Variants in DOCK3 observed in about 807,000 individuals in gnomAD.
DOCK3 encodes dedicator of cytokinesis protein 3.
Under a neutral mutation model 265.6 loss-of-function variants are expected in DOCK3, and 60 were observed. The ratio of observed to expected loss-of-function variants is 0.23; its 90% CI spans 0.18 to 0.28. The LOEUF (loss-of-function observed/expected upper bound fraction) is 0.28. Ranked by LOEUF, DOCK3 falls within the 10% of genes least tolerant of loss-of-function variation. The pLI is 1.00. For missense variants in DOCK3, 1,981 were observed against 2,594.3 expected (o/e 0.76, Z 5.14); for synonymous variants, 881 against 938.0 (o/e 0.94, Z 1.11).
At chr3:51,213,769 C>G (rs763349581) in intron 13 of DOCK3, among the ~76,000 whole-genome samples, 2 of 152,116 alleles carry the variant, frequency 1.3e-5, no homozygotes, top group Non-Finnish European at 2.9e-5. Flanking sequence ...TTAGATTTCT[C>G]TAGGTTCCTA....
At chr3:50,711,164 G>A (rs943582316) in intron 1 of DOCK3, among the ~76,000 whole-genome samples, 1 of 151,430 alleles carries the variant, frequency 6.6e-6, no homozygotes, top group African/African-American at 2.4e-5. Context: ...TATGGTTTTT[G>A]TCCTTTATTA....
intron 5 of DOCK3, among the ~76,000 whole-genome samples, chr3:50,948,277 G>A (rs1262039045): frequency 2.7e-5 from 4 of 150,896 alleles, no homozygotes; most frequent in Non-Finnish European, 4.4e-5. Flanking sequence ...GGATGGTCTC[G>A]ATCTCCTGAC....
At chr3:50,951,303 T>C (rs1185543333) in intron 5 of DOCK3, among the ~76,000 whole-genome samples, 1 of 152,198 alleles carries the variant, frequency 6.6e-6, no homozygotes, top group Non-Finnish European at 1.5e-5. Flanking sequence ...TGTACAAATT[T>C]GGGTTATCCT....
rs942044761 is a variant in DOCK3 at position 50,832,399 on chromosome 3, A to G, written c.122-9276A>G. ...AACTAAAGAGCTTCTGTACAGCAAA[A>G]GAAACTATCATCAGAGTGAACAGGC... On this transcript the variant is annotated intron_variant, in intron 2 of 52. Coordinates refer to ENST00000266037, the MANE Select transcript of DOCK3 (RefSeq NM_004947.5). Among the ~76,000 whole-genome samples the G allele has an allele frequency of 3.3e-5, 5 of 152,256 alleles. No individual in the cohort carries two copies. In the East Asian group the frequency reaches 9.6e-4, roughly 29 times the overall value.
chr3:50,806,375 T>C (rs2043416005), intron 2 of DOCK3, among the ~76,000 whole-genome samples: 1 of 152,008 alleles, frequency 6.6e-6, no homozygotes, highest in African/African-American at 2.4e-5. Context: ...GTGGGACTTT[T>C]CTCAAGTCCT....
chr3:51,375,819 G>C lies in DOCK3; in HGVS notation c.5484G>C (p.Leu1828=), dbSNP rs1265806720. Residue 1828 remains leucine (L), a synonymous_variant, in exon 51 of 53, where the codon CTG becomes CTC. Transcript: ENST00000266037. The part of the protein sequence containing the change: ...GACKPCSDPN[L]SVAEKGHYSL... ...GCAAACCCTGCAGTGATCCCAATCT[G>C]TCTGTGGCTGAAAAAGGTATTGTTG... 1 of 1,613,982 alleles carries C rather than the reference G, an allele frequency of 6.2e-7. No individual in the cohort carries two copies. Among genetic ancestry groups the C allele is most frequent in the Admixed American group, 1.7e-5 (1 of 60,026 alleles).
intron 3 of DOCK3, among the ~76,000 whole-genome samples, chr3:50,853,632 G>T (rs1163263243): frequency 1.3e-5 from 2 of 151,978 alleles, no homozygotes; most frequent in African/African-American, 2.4e-5. Context: ...TTGCTGCAAA[G>T]AACGTGATTT....
At position 51,243,845 on chromosome 3, in the gene DOCK3, G is replaced by A. The variant is rs2078713551; in HGVS notation, c.2103-2881G>A. ...TTATAATTCTAGCCCTTAGATTTAG[G>A]TCTTTGATCCACTTTGAGTTAATTT... On this transcript the variant is annotated intron_variant, in intron 21 of 52. Transcript: ENST00000266037. Among the ~76,000 whole-genome samples the A allele has an allele frequency of 2.0e-5, 3 of 152,204 alleles. No homozygotes were observed. In the South Asian group the frequency reaches 6.2e-4, roughly 32 times the overall value.
At chr3:50,928,125 GATGAT>G (rs2050861818) in intron 4 of DOCK3, among the ~76,000 whole-genome samples, 1 of 76,742 alleles carries the variant, frequency 1.3e-5, no homozygotes, top group South Asian at 5.0e-4. Flanking sequence ...ATTTTATTGT[GATGAT>G]ATATATATAT....
chr3:51,103,449 A>T (rs1344970004), intron 9 of DOCK3, among the ~76,000 whole-genome samples: 1 of 152,182 alleles, frequency 6.6e-6, no homozygotes, highest in East Asian at 1.9e-4. Flanking sequence ...AAATCATTTT[A>T]CCTTTCTTGA....
At chr3:50,793,341 A>ATTTTCT (rs1186043141) in intron 2 of DOCK3, among the ~76,000 whole-genome samples, 1 of 136,172 alleles carries the variant, frequency 7.3e-6, no homozygotes, top group Admixed American at 7.2e-5. Context: ...TGTTTTATTA[A>ATTTTCT]TTTTCTTTTT....
chr3:50,939,079 A>G (rs2051552444), intron 5 of DOCK3, among the ~76,000 whole-genome samples: 1 of 152,078 alleles, frequency 6.6e-6, no homozygotes, highest in Non-Finnish European at 1.5e-5. Context: ...ACTAATTACC[A>G]ATTTATCAAG....
Position 50,941,378 on chromosome 3 carries a change from C to T in DOCK3, c.315+7301C>T, listed in dbSNP as rs530756638. On this transcript the variant is annotated intron_variant, in intron 5 of 52. Coordinates refer to ENST00000266037, the MANE Select transcript of DOCK3 (RefSeq NM_004947.5). The stretch of plus-strand genomic sequence containing the variant: ...TGCTACAATGAGATACTAATATATA[C>T]CTGTTAGAATGACTGAAATAAAAAT... 2.0e-5 allele frequency among the ~76,000 whole-genome samples: 3 copies of T among 152,118 alleles called. No individual in the cohort carries two copies. In the South Asian group the frequency reaches 6.2e-4, roughly 32 times the overall value.
intron 3 of DOCK3, among the ~76,000 whole-genome samples, chr3:50,843,624 C>T (rs149728312): frequency 1.4e-4 from 21 of 152,262 alleles, no homozygotes; most frequent in Middle Eastern, 6.8e-3. Context: ...ACTCACACTA[C>T]TCTAAAGAAT....
rs59834534 is a variant in DOCK3 at position 51,150,921 on chromosome 3, A to G, written c.828+4291A>G. Reference sequence around the variant, plus strand: ...AGCCTTCTGTCTCGTTGATCTGTCTAATGTTGACAGTGGGGTGTTAAAGTC... The same window carrying G: ...AGCCTTCTGTCTCGTTGATCTGTCTGATGTTGACAGTGGGGTGTTAAAGTC... On this transcript the variant is annotated intron_variant, in intron 10 of 52. Coordinates refer to ENST00000266037, the MANE Select transcript of DOCK3 (RefSeq NM_004947.5). Among the ~76,000 whole-genome samples the G allele has an allele frequency of 3.6e-3, 541 of 152,158 alleles. 5 individuals carry two copies. The highest frequency in any genetic ancestry group is 3.2e-3 in the Non-Finnish European group (220 of 68,004).
intron 4 of DOCK3, among the ~76,000 whole-genome samples, chr3:50,904,929 A>G (rs932724031): frequency 6.6e-6 from 1 of 152,002 alleles, no homozygotes; most frequent in Non-Finnish European, 1.5e-5. Flanking sequence ...ATCTTGAATT[A>G]ATTTTTGTAT....
chr3:51,005,377 C>T (rs908425435), intron 5 of DOCK3, among the ~76,000 whole-genome samples: 5 of 152,142 alleles, frequency 3.3e-5, no homozygotes, highest in African/African-American at 1.2e-4. Context: ...ATACCCAATC[C>T]TGCCACTGTC....
chr3:51,258,537 T>A (rs1008554638), intron 22 of DOCK3, among the ~76,000 whole-genome samples: 4 of 152,162 alleles, frequency 2.6e-5, no homozygotes, highest in African/African-American at 9.7e-5. Context: ...GGAGTCTTGC[T>A]CAGTTCACCA....
At chr3:51,354,518 G>A (rs1354475221) in intron 40 of DOCK3, among the ~76,000 whole-genome samples, 1 of 152,118 alleles carries the variant, frequency 6.6e-6, no homozygotes, top group Non-Finnish European at 1.5e-5. Context: ...CACATAGATT[G>A]CCCTTCTCCA....
Sources: gnomAD v4.1 joint callset for allele counts (sites outside exome capture counted in the v4.1 genomes callset) on GRCh38, gnomAD v4.1.1 for gene constraint, MANE v1.5 for transcripts, NCBI Gene and HGNC (gene_info 2026-07-23, HGNC 2026-07-21) for gene names.